The following SORT1 variants were observed in gnomAD, a reference collection of about 807,000 sequenced individuals.
The protein encoded by SORT1 is sortilin 1.
SORT1 carries 39 observed loss-of-function variants against 101.7 expected under a neutral mutation model. The observed-to-expected ratio is 0.38, with a 90% CI of 0.30 to 0.50. SORT1 has a LOEUF of 0.50. Among genes scored for constraint, SORT1 ranks in the 20% least tolerant of loss-of-function variants. The pLI is 0.90. For synonymous variants in SORT1, 396 were observed against 393.7 expected, an observed-to-expected ratio of 1.01 and a Z score of -0.07; for missense variants, 878 against 1,040.4, an observed-to-expected ratio of 0.84 and a Z score of 2.15.
At chr1:109,328,014 A>G (rs1363822406) in intron 11 of SORT1, among the ~76,000 whole-genome samples, 1 of 152,194 alleles carries the variant, frequency 6.6e-6, no homozygotes, top group Non-Finnish European at 1.5e-5. Context: ...TAATGTCCTC[A>G]AGGCTCATCC....
intron 8 of SORT1, 107 bp from the exon 9 acceptor site, chr1:109,342,265 G>A: frequency 1.2e-6 from 1 of 822,528 alleles, no homozygotes; most frequent in Non-Finnish European, 1.9e-6. Context: ...TTTCTCTACT[G>A]GGTACGATTG....
At chr1:109,374,952 C>T (rs1651728500) in intron 1 of SORT1, among the ~76,000 whole-genome samples, 1 of 152,104 alleles carries the variant, frequency 6.6e-6, no homozygotes, top group East Asian at 1.9e-4. Context: ...AGTGAGACTC[C>T]GTCTCAAAAA....
At chr1:109,376,928 T>C (rs1040382515) in intron 1 of SORT1, among the ~76,000 whole-genome samples, 8 of 152,206 alleles carry the variant, frequency 5.3e-5, no homozygotes, top group African/African-American at 1.4e-4. Flanking sequence ...TCTGCACTTG[T>C]CCATTGCTCC....
chr1:109,340,848 A>C lies in SORT1; in HGVS notation c.1140T>G (p.Asp380Glu). 6 of 1,613,892 alleles carry C rather than the reference A, an allele frequency of 3.7e-6. No individual in the cohort carries two copies. The highest frequency in any genetic ancestry group is 5.1e-6 in the Non-Finnish European group (6 of 1,179,818). Reference sequence around the variant, plus strand: ...ACTTGGAATAGACAATGCCTCGATCATCTGAGGTAAAGATTGTGCCAAACC... The same window carrying C: ...ACTTGGAATAGACAATGCCTCGATCCTCTGAGGTAAAGATTGTGCCAAACC... Reference protein sequence around the residue: ...DTGFGTIFTSDDRGIVYSKSL... With the variant: ...DTGFGTIFTSEDRGIVYSKSL... Residue 380 changes from aspartate (D) to glutamate (E), a missense_variant, in exon 10 of 20, where the codon GAT becomes GAG. Around this residue, in one of 2 missense-constraint regions of SORT1, gnomAD observed 684 missense variants for 894.5 expected, o/e 0.76. Coordinates refer to ENST00000256637, the MANE Select transcript of SORT1 (RefSeq NM_002959.7).
intron 7 of SORT1, 43 bp from the exon 8 acceptor site, chr1:109,345,924 G>A (rs536093671): frequency 3.8e-6 from 6 of 1,563,972 alleles, no homozygotes; most frequent in South Asian, 3.4e-5. Context: ...ACTTACTGGT[G>A]AGCCTAGTTC....
chr1:109,334,307 C>T (rs1199872269), intron 11 of SORT1, among the ~76,000 whole-genome samples: 7 of 152,200 alleles, frequency 4.6e-5, no homozygotes, highest in East Asian at 3.9e-4. Context: ...TCAACCTAAG[C>T]GTCTACAGAT....
chr1:109,326,950 C>T lies in SORT1; in HGVS notation c.1643+42G>A, dbSNP rs761167352. 1.1e-4 allele frequency: 151 copies of T among 1,437,632 alleles called. 1 individual carries two copies. Among genetic ancestry groups the T allele is most frequent in the Non-Finnish European group, 1.3e-4 (137 of 1,067,474 alleles). The allele number at this position is 1,437,632 out of a possible 1,614,324, so 89.1% of individuals were successfully genotyped here. Reference sequence around the variant, plus strand: ...AAACTGAAGAACATTCCCCCAGTTGCCCTCTATGCAGACAGTGTGTGTGAG... The same window carrying T: ...AAACTGAAGAACATTCCCCCAGTTGTCCTCTATGCAGACAGTGTGTGTGAG... On this transcript the variant is annotated intron_variant, in intron 13 of 19. Coordinates refer to ENST00000256637, the MANE Select transcript of SORT1 (RefSeq NM_002959.7).
intron 1 of SORT1, among the ~76,000 whole-genome samples, chr1:109,395,604 A>G (rs887298890): frequency 6.6e-6 from 1 of 152,208 alleles, no homozygotes; most frequent in Non-Finnish European, 1.5e-5. Context: ...AGCTAAATGA[A>G]AGAAATAGAA....
intron 3 of SORT1, among the ~76,000 whole-genome samples, chr1:109,358,089 C>A (rs1231284878): frequency 6.6e-6 from 1 of 152,160 alleles, no homozygotes; most frequent in Non-Finnish European, 1.5e-5. Flanking sequence ...GCACAACAAA[C>A]ACATCCCTGC....
chr1:109,383,948 A>C (rs77985012), intron 1 of SORT1, among the ~76,000 whole-genome samples: 1 of 152,138 alleles, frequency 6.6e-6, no homozygotes, highest in East Asian at 1.9e-4. Flanking sequence ...GCTCTACAAA[A>C]CGCTGCGTGA....
chr1:109,314,185 TG>T, intron 19 of SORT1, 75 bp downstream of exon 19: 1 of 1,506,016 alleles, frequency 6.6e-7, no homozygotes, highest in Non-Finnish European at 9.0e-7. Flanking sequence ...ATCTTGATCA[TG>T]AATAGAAGAC....
rs755223390 is a variant in SORT1 at position 109,355,411 on chromosome 1, G to T, written c.499C>A (p.Arg167=). 3.7e-6 allele frequency: 6 copies of T among 1,604,080 alleles called. No individual in the cohort carries two copies. The highest frequency in any genetic ancestry group is 5.1e-6 in the Non-Finnish European group (6 of 1,171,042). ...ITDLINNTFI[R]TEFGMAIGPE... ...CCAATAGCCATGCCAAATTCAGTCC[G>T]AATAAAGGTGTTATTGATGAGATCT... Residue 167 remains arginine (R), a synonymous_variant, in exon 4 of 20, where the codon CGG becomes AGG. Transcript: ENST00000256637.
chr1:109,327,177 C>T lies in SORT1; in HGVS notation c.1475-17G>A. ...CCACGCTACCTGCAATATAATCCAC[C>T]ATCTCATTAGCACAAATAGGCAATG... On this transcript the variant is annotated splice_polypyrimidine_tract_variant and intron_variant, in intron 12 of 19. Coordinates refer to ENST00000256637, the MANE Select transcript of SORT1 (RefSeq NM_002959.7). 6.2e-7 allele frequency: 1 copy of T among 1,600,616 alleles called. No individual in the cohort carries two copies. The highest frequency in any genetic ancestry group is 1.1e-5 in the South Asian group (1 of 90,274).
intron 5 of SORT1, 81 bp from the exon 6 acceptor site, chr1:109,351,083 A>C: frequency 1.0e-6 from 1 of 953,920 alleles, no homozygotes; most frequent in Admixed American, 1.7e-5. Context: ...TTTCATATCC[A>C]ATCATTCAGG....
chr1:109,343,190 C>T (rs1557797259), intron 8 of SORT1, among the ~76,000 whole-genome samples: 1 of 152,120 alleles, frequency 6.6e-6, no homozygotes, highest in Non-Finnish European at 1.5e-5. Context: ...ACTATTAGCT[C>T]ACAGGGTTAT....
chr1:109,376,532 G>T (rs1371993457), intron 1 of SORT1, among the ~76,000 whole-genome samples: 2 of 152,096 alleles, frequency 1.3e-5, no homozygotes, highest in Non-Finnish European at 2.9e-5. Context: ...AAGAAAATAT[G>T]GTCTATATAC....
intron 11 of SORT1, among the ~76,000 whole-genome samples, chr1:109,330,157 C>G (rs895777465): frequency 6.6e-6 from 1 of 152,134 alleles, no homozygotes; most frequent in Non-Finnish European, 1.5e-5. Flanking sequence ...CCCGCTGCCA[C>G]GCCCAGCTAT....
chr1:109,321,140 C>T (rs1255557186), intron 15 of SORT1, among the ~76,000 whole-genome samples: 1 of 152,156 alleles, frequency 6.6e-6, no homozygotes, highest in Non-Finnish European at 1.5e-5. Context: ...ATCATGATTA[C>T]TATATTATTA....
intron 13 of SORT1, 46 bp from the exon 14 acceptor site, chr1:109,325,135 A>G (rs781150008): frequency 2.3e-6 from 3 of 1,320,686 alleles, no homozygotes; most frequent in Non-Finnish European, 3.1e-6. Context: ...ATCAATGTGT[A>G]CTGGGAATTC....
Sources: allele counts gnomAD v4.1 joint callset (sites outside exome capture counted in the v4.1 genomes callset), GRCh38; gene constraint gnomAD v4.1.1; regional missense constraint gnomAD v4.1.1; transcripts MANE v1.5; gene names NCBI Gene and HGNC (gene_info 2026-07-23, HGNC 2026-07-21).